The following IQSEC1 variants were observed in gnomAD, a reference collection of about 807,000 sequenced individuals.
IQSEC1 encodes IQ motif and SEC7 domain-containing protein 1.
IQSEC1 carries 31 observed loss-of-function variants against 91.0 expected under a neutral mutation model. The observed-to-expected ratio is 0.34, with a 90% confidence interval of 0.26 to 0.46. The LOEUF (loss-of-function observed/expected upper bound fraction) is 0.46. Among genes scored for constraint, IQSEC1 ranks in the 20% least tolerant of loss-of-function variants. IQSEC1 has a pLI of 1.00. For missense variants in IQSEC1, 1,388 were observed against 1,575.6 expected (o/e 0.88, Z 2.02); for synonymous variants, 699 against 662.6 (o/e 1.05, Z -0.84).
At chr3:12,961,243 C>T (rs560419674) in intron 1 of IQSEC1, among the ~76,000 whole-genome samples, 9 of 152,352 alleles carry the variant, frequency 5.9e-5, no homozygotes, top group African/African-American at 1.9e-4. Context: ...TCCAGACGCA[C>T]CACAGCTCTG....
chr3:13,167,635 G>A (rs556652334), intron 1 of IQSEC1, among the ~76,000 whole-genome samples: 3 of 152,272 alleles, frequency 2.0e-5, no homozygotes, highest in East Asian at 1.9e-4. Context: ...AGTGCTCCCC[G>A]GACAAGGAGA....
chr3:13,101,210 G>A (rs1403778658), intron 2 of IQSEC1, among the ~76,000 whole-genome samples: 12 of 152,136 alleles, frequency 7.9e-5, no homozygotes, highest in East Asian at 3.9e-4. Flanking sequence ...GGCTGGGCGC[G>A]GTGGCTCACG....
At position 13,101,423 on chromosome 3, in the gene IQSEC1, A is replaced by AAAAAAAAAAAAAAAAAAAAAAG. The variant is rs1706061947; in HGVS notation, c.303-53902_303-53901insCTTTTTTTTTTTTTTTTTTTTT. Among the ~76,000 whole-genome samples the AAAAAAAAAAAAAAAAAAAAAAG allele has an allele frequency of 1.3e-5, 2 of 151,700 alleles. 1 individual carries two copies. The highest frequency in any genetic ancestry group is 2.9e-5 in the Non-Finnish European group (2 of 67,910). ...GACAGGGTGAGATTCCATCTCCAAA[A>AAAAAAAAAAAAAAAAAAAAAAG]AAAAAAAAAATGCACCCTTCTACTG... On this transcript the variant is annotated intron_variant, in intron 2 of 15. Coordinates refer to the IQSEC1 transcript ENST00000648114.
At chr3:13,120,946 A>G (rs1406858738) in intron 2 of IQSEC1, among the ~76,000 whole-genome samples, 1 of 152,230 alleles carries the variant, frequency 6.6e-6, no homozygotes, top group Non-Finnish European at 1.5e-5. Flanking sequence ...CCCAGATTCA[A>G]TGGCGTTTAC....
chr3:13,167,208 C>G (rs17037802), intron 1 of IQSEC1, among the ~76,000 whole-genome samples: 2 of 152,172 alleles, frequency 1.3e-5, no homozygotes, highest in African/African-American at 4.8e-5. Flanking sequence ...GGATGATCCC[C>G]GATGCTTTTG....
At position 12,924,570 on chromosome 3, in the gene IQSEC1, G is replaced by A. The variant is rs1412076636; in HGVS notation, c.1730+11C>T. Reference sequence around the variant, plus strand: ...GAATCAGGTCCCCCACCACCCCCATGCAGAACTTACTCGAGCACGTCACGG... The same window carrying A: ...GAATCAGGTCCCCCACCACCCCCATACAGAACTTACTCGAGCACGTCACGG... On this transcript the variant is annotated intron_variant, in intron 4 of 13. Transcript: ENST00000613206. The surrounding 1 kb of genome is among the most constrained non-coding windows in gnomAD (Gnocchi z 6.3). 1 of 1,578,528 alleles carries A rather than the reference G, an allele frequency of 6.3e-7. No individual in the cohort carries two copies. Among genetic ancestry groups the A allele is most frequent in the East Asian group, 2.3e-5 (1 of 43,212 alleles).
intron 2 of IQSEC1, among the ~76,000 whole-genome samples, chr3:13,123,234 G>T (rs1706452851): frequency 6.6e-6 from 1 of 152,242 alleles, no homozygotes; most frequent in Non-Finnish European, 1.5e-5. Context: ...ATGAACACAG[G>T]TGTCCAGTCC....
intron 1 of IQSEC1, among the ~76,000 whole-genome samples, chr3:12,972,637 G>A (rs531019161): frequency 2.6e-5 from 4 of 152,276 alleles, no homozygotes; most frequent in African/African-American, 9.6e-5. Context: ...GGAGCTCTGC[G>A]GCTGCCACTT....
chr3:13,278,320 A>G (rs1227774142), intron 1 of IQSEC1, among the ~76,000 whole-genome samples: 1 of 152,040 alleles, frequency 6.6e-6, no homozygotes, highest in Non-Finnish European at 1.5e-5. Context: ...CAAAGGCTGG[A>G]AGGAATCATC....
At chr3:13,229,861 T>C (rs778306111) in intron 1 of IQSEC1, among the ~76,000 whole-genome samples, 6 of 152,220 alleles carry the variant, frequency 3.9e-5, no homozygotes, top group Non-Finnish European at 5.9e-5. Flanking sequence ...TGACCCAACC[T>C]GTCTGTGCTT....
At chr3:13,179,244 G>A (rs1294689115) in intron 1 of IQSEC1, among the ~76,000 whole-genome samples, 3 of 152,156 alleles carry the variant, frequency 2.0e-5, no homozygotes, top group African/African-American at 7.2e-5. Context: ...TGGTGTTTCA[G>A]TAACAAATAC....
At chr3:13,222,700 C>T (rs1231337791) in intron 1 of IQSEC1, among the ~76,000 whole-genome samples, 3 of 152,324 alleles carry the variant, frequency 2.0e-5, no homozygotes, top group East Asian at 1.9e-4. Flanking sequence ...GAAAGCACTC[C>T]CAGGTCAAAC....
intron 1 of IQSEC1, among the ~76,000 whole-genome samples, chr3:13,069,215 C>A (rs1705334699): frequency 1.3e-5 from 2 of 152,146 alleles, no homozygotes; most frequent in African/African-American, 4.8e-5. Flanking sequence ...ATCACACGTG[C>A]TTGAGTGAAG....
rs61032898 is a variant in IQSEC1 at position 13,279,234 on chromosome 3, A to G, written c.272+3477T>C. ...CTCAACAAATCTTTACTGAGTGCCT[A>G]TTATGCGTCTGAACCTCTAGTGAGC... is the stretch of plus-strand genomic sequence containing the variant. On this transcript the variant is annotated intron_variant, in intron 1 of 15. Transcript: ENST00000648114. 7.9e-3 allele frequency among the ~76,000 whole-genome samples: 1,198 copies of G among 152,288 alleles called. 12 individuals are homozygous for G. Among genetic ancestry groups the G allele is most frequent in the African/African-American group, 0.027 (1,136 of 41,560 alleles).
intron 2 of IQSEC1, among the ~76,000 whole-genome samples, chr3:13,087,866 G>A (rs553261472): frequency 2.7e-4 from 41 of 152,252 alleles, no homozygotes; most frequent in African/African-American, 9.6e-4. Context: ...GAGGGATGGG[G>A]GCCGAACTTA....
chr3:13,215,051 C>T (rs377591340), intron 1 of IQSEC1, among the ~76,000 whole-genome samples: 3 of 151,994 alleles, frequency 2.0e-5, no homozygotes, highest in African/African-American at 4.8e-5. Context: ...GCTGCAGAGG[C>T]GAGAGGCAGG....
At chr3:12,960,409 C>T (rs1288030245) in intron 1 of IQSEC1, 1 of 152,202 alleles carries the variant, frequency 6.6e-6, no homozygotes, top group African/African-American at 2.4e-5. Context: ...GTACAGGGAA[C>T]CCAATGCTGC....
At chr3:13,173,760 G>A (rs1330523706) in intron 1 of IQSEC1, among the ~76,000 whole-genome samples, 1 of 152,220 alleles carries the variant, frequency 6.6e-6, no homozygotes. Context: ...GTCACACATG[G>A]GGTGGGTCCA....
chr3:13,263,957 C>G (rs1269572910), intron 1 of IQSEC1, among the ~76,000 whole-genome samples: 1 of 152,242 alleles, frequency 6.6e-6, no homozygotes, highest in Non-Finnish European at 1.5e-5. Flanking sequence ...GGATTTGCGT[C>G]CTTGTCCCTG....
Sources: gnomAD v4.1 joint callset for allele counts (sites outside exome capture counted in the v4.1 genomes callset) on GRCh38, gnomAD v4.1.1 for gene constraint, Gnocchi (gnomAD v3.1) non-coding constraint, MANE v1.5 for transcripts, NCBI Gene and HGNC (gene_info 2026-07-23, HGNC 2026-07-21) for gene names.